Variants in CASS4 observed in about 807,000 individuals in gnomAD.
CASS4 encodes the protein cas scaffolding protein family member 4.
A neutral mutation model predicts 54.2 loss-of-function variants in CASS4; 22 were observed. The observed-to-expected ratio is 0.41, with a 90% CI of 0.29 to 0.58. The LOEUF (loss-of-function observed/expected upper bound fraction) is 0.58. CASS4 is among the 20% of genes least tolerant of loss of function. The probability of loss-of-function intolerance (pLI) is 0.36; values close to 1 mark genes in which losing one functional copy is unlikely to be tolerated. For missense variants in CASS4, 854 were observed against 986.7 expected (o/e 0.87, Z 1.80); for synonymous variants, 409 against 391.5 (o/e 1.04, Z -0.53).
In CASS4 at chr20:56,417,765, G is replaced by A. The variant is rs547975265; in HGVS notation, c.36+5271G>A. ...TTCTAGTCAGCAGGTGTTTGGCAACGGAGGTCATTCCTGACTCTCAGCTCT... is the reference window on the plus strand; with the variant it reads ...TTCTAGTCAGCAGGTGTTTGGCAACAGAGGTCATTCCTGACTCTCAGCTCT... On this transcript the variant is annotated intron_variant, in intron 1 of 5. Transcript: ENST00000679887. 3.0e-3 allele frequency among the ~76,000 whole-genome samples: 451 copies of A among 152,342 alleles called. 3 individuals are homozygous for A. The highest frequency in any genetic ancestry group is 4.7e-3 in the Non-Finnish European group (323 of 68,024).
In CASS4 at chr20:56,412,504, G is replaced by A. The variant is rs1256804507; in HGVS notation, c.36+10G>A. ...GGACTGTGCGCCCAAGGTGAGTGAT[G>A]TGGGGCTGTTTGAATGGGCTCTGGC... On this transcript the variant is annotated intron_variant, in intron 1 of 5. Transcript: ENST00000679887. The surrounding 1 kb of genome is among the most constrained non-coding windows in gnomAD (Gnocchi z 4.2). 3 of 1,611,434 alleles carry A rather than the reference G, an allele frequency of 1.9e-6. No homozygotes were observed. Among genetic ancestry groups the A allele is most frequent in the African/African-American group, 2.7e-5 (2 of 74,886 alleles).
In CASS4 at chr20:56,452,332, A is replaced by T; in HGVS notation, c.1156A>T (p.Arg386Ter). ...SAGHNSSWFS[R>*]RTTSPSPEPD... is the part of the protein sequence containing the mutation. ...GGGCCATAATTCCTCATGGTTCTCC[A>T]GACGGACAACTTCCCCATCTCCTGA... The change falls in exon 5 of 6, where the codon AGA (arginine) becomes TGA (stop). Residue 386 changes from arginine (R) to a stop codon, truncating the protein, a stop_gained. Transcript: ENST00000679887. LOFTEE classifies it high-confidence loss of function. 6.2e-7 allele frequency: 1 copy of T among 1,613,960 alleles called. No homozygotes were observed. The highest frequency in any genetic ancestry group is 1.1e-5 in the South Asian group (1 of 91,090).
chr20:56,437,316 C>G lies in CASS4; in HGVS notation c.189C>G (p.Ala63=). 6.2e-7 allele frequency: 1 copy of G among 1,614,082 alleles called. No individual in the cohort carries two copies. The highest frequency in any genetic ancestry group is 8.5e-7 in the Non-Finnish European group (1 of 1,179,962). The part of the protein sequence containing the change: ...KCLLHGRQGL[A]PANRLQILTE... ...TGCTCCATGGGAGGCAAGGCCTGGC[C>G]CCTGCCAACCGCCTCCAAATCCTCA... Residue 63 remains alanine, a synonymous_variant, in exon 2 of 6, where the codon GCC becomes GCG. Transcript: ENST00000679887. The surrounding 1 kb of genome is among the most constrained non-coding windows in gnomAD (Gnocchi z 4.7).
intron 2 of CASS4, among the ~76,000 whole-genome samples, chr20:56,440,398 C>T (rs1479984004): frequency 2.6e-5 from 4 of 152,230 alleles, no homozygotes; most frequent in Admixed American, 2.0e-4. Context: ...ATAGCAATTC[C>T]TTCCTCTCCC....
At chr20:56,431,107 A>C (rs1432937977) in intron 1 of CASS4, among the ~76,000 whole-genome samples, 1 of 152,240 alleles carries the variant, frequency 6.6e-6, no homozygotes, top group Non-Finnish European at 1.5e-5. Context: ...GGAACCAATT[A>C]GAATTTAAGT....
At chr20:56,448,650 C>T (rs982928880) in intron 3 of CASS4, among the ~76,000 whole-genome samples, 1 of 152,186 alleles carries the variant, frequency 6.6e-6, no homozygotes. Context: ...GAAACCCCTT[C>T]CAATATCCAA....
At chr20:56,456,081 C>A (rs560288555) in intron 5 of CASS4, among the ~76,000 whole-genome samples, 1 of 89,750 alleles carries the variant, frequency 1.1e-5, no homozygotes, top group Admixed American at 1.2e-4. Context: ...AAGGACCTCA[C>A]TTGGAAAGCC....
chr20:56,442,039 G>A (rs1980486058), intron 2 of CASS4, among the ~76,000 whole-genome samples: 2 of 151,960 alleles, frequency 1.3e-5, no homozygotes, highest in South Asian at 2.1e-4. Context: ...GCGGCTGTTG[G>A]TAGACGGGGC....
At position 56,412,635 on chromosome 20, in the gene CASS4, A is replaced by T. The variant is rs992172300; in HGVS notation, c.36+141A>T. 6.9e-6 allele frequency: 6 copies of T among 864,576 alleles called. No homozygotes were observed. In the East Asian group the frequency reaches 1.6e-4, roughly 24 times the overall value. 53.6% of individuals were successfully genotyped at this position (864,576 alleles called of 1,614,324 possible). On this transcript the variant is annotated intron_variant, in intron 1 of 5. Transcript: ENST00000679887. The surrounding 1 kb of genome is among the most constrained non-coding windows in gnomAD (Gnocchi z 4.2). Reference sequence around the variant, plus strand: ...TGAGTTGGAGATGGGAAAGTTTAACATAAGTTTAAGTGTGGGAAATAGATG... The same window carrying T: ...TGAGTTGGAGATGGGAAAGTTTAACTTAAGTTTAAGTGTGGGAAATAGATG...
At chr20:56,429,598 C>T (rs1461676931) in intron 1 of CASS4, among the ~76,000 whole-genome samples, 2 of 152,110 alleles carry the variant, frequency 1.3e-5, no homozygotes, top group African/African-American at 4.8e-5. Flanking sequence ...ACTTTCCATG[C>T]GCCCCCAACA....
At chr20:56,455,043 T>C (rs1218670723) in intron 5 of CASS4, among the ~76,000 whole-genome samples, 1 of 152,168 alleles carries the variant, frequency 6.6e-6, no homozygotes, top group African/African-American at 2.4e-5. Flanking sequence ...TTTGACATTC[T>C]GATTTAATGT....
chr20:56,444,439 CT>C (rs1329047011), intron 2 of CASS4, among the ~76,000 whole-genome samples: 1 of 152,194 alleles, frequency 6.6e-6, no homozygotes, highest in Non-Finnish European at 1.5e-5. Flanking sequence ...CAGGCCCTGT[CT>C]TGCTTACCAG....
intron 5 of CASS4, among the ~76,000 whole-genome samples, chr20:56,457,260 C>T (rs908089804): frequency 1.3e-5 from 2 of 152,070 alleles, no homozygotes; most frequent in African/African-American, 4.8e-5. Flanking sequence ...TAGGTAAATG[C>T]GAGCGTGTGA....
rs3746622 is a variant in CASS4, at chr20:56,445,966, G to T, written c.526G>T (p.Val176Leu). 6.2e-7 allele frequency: 1 copy of T among 1,613,782 alleles called. No individual in the cohort carries two copies. Among genetic ancestry groups the T allele is most frequent in the Non-Finnish European group, 8.5e-7 (1 of 1,180,004 alleles). The change falls in exon 3 of 6, where the codon GTG becomes TTG. Residue 176 changes from valine to leucine, a missense_variant. Coordinates refer to ENST00000679887, the MANE Select transcript of CASS4 (RefSeq NM_020356.4). ...LPTLPSQVYD[V>L]PTQHRGPVVL... Reference sequence around the variant, plus strand: ...GACTCTGCCTTCCCAGGTGTATGACGTGCCTACCCAGCACCGGGGCCCCGT... The same window carrying T: ...GACTCTGCCTTCCCAGGTGTATGACTTGCCTACCCAGCACCGGGGCCCCGT...
intron 3 of CASS4, among the ~76,000 whole-genome samples, chr20:56,446,982 A>T (rs1980745006): frequency 6.6e-6 from 1 of 152,106 alleles, no homozygotes; most frequent in African/African-American, 2.4e-5. Flanking sequence ...CCAAGGCAGG[A>T]GGATCACTTG....
rs1418930051 is a variant in CASS4 at position 56,458,395 on chromosome 20, C to G, written c.2009C>G (p.Pro670Arg). The G allele has an allele frequency of 1.2e-6, 2 of 1,614,050 alleles. No individual in the cohort carries two copies. The highest frequency in any genetic ancestry group is 2.2e-5 in the South Asian group (2 of 91,078). The change falls in exon 6 of 6, where the codon CCC (proline) becomes CGC (arginine). Residue 670 changes from proline to arginine, a missense_variant. By Grantham distance (103) the Pro-to-Arg change is moderately radical (BLOSUM62 -2). Transcript: ENST00000679887. The part of the protein sequence containing the change: ...PSSQQTPERK[P>R]RLSEHCRLYF... ...AGTCAACAGACTCCTGAGAGGAAACCCCGCTTATCTGAACACTGCCGGCTC... is the reference window on the plus strand; with the variant it reads ...AGTCAACAGACTCCTGAGAGGAAACGCCGCTTATCTGAACACTGCCGGCTC...
chr20:56,440,593 A>G (rs1445414612), intron 2 of CASS4, among the ~76,000 whole-genome samples: 1 of 152,238 alleles, frequency 6.6e-6, no homozygotes, highest in Non-Finnish European at 1.5e-5. Flanking sequence ...TGTTGCATGA[A>G]TGAAATTGAC....
chr20:56,445,769 C>A (rs116044858), intron 2 of CASS4, 131 bp from the exon 3 acceptor site: 10,577 of 624,324 alleles, frequency 0.017, 730 homozygotes, highest in African/African-American at 0.16. Context: ...AGCCTGCCAG[C>A]GGGGGTGCCG....
chr20:56,432,768 C>G (rs546159129), intron 1 of CASS4, among the ~76,000 whole-genome samples: 1 of 152,320 alleles, frequency 6.6e-6, no homozygotes, highest in South Asian at 2.1e-4. Flanking sequence ...CACCCACATT[C>G]TTGTGAAACC....
Sources: allele counts gnomAD v4.1 joint callset (sites outside exome capture counted in the v4.1 genomes callset), GRCh38; gene constraint gnomAD v4.1.1; non-coding constraint Gnocchi (gnomAD v3.1); transcripts MANE v1.5; gene names NCBI Gene and HGNC (gene_info 2026-07-23, HGNC 2026-07-21).